PDS5B: variants seen among roughly 807,000 people sequenced by gnomAD.
PDS5B encodes PDS5 cohesin associated factor B, also known as sister chromatid cohesion protein PDS5 homolog B.
In PDS5B, 51 loss-of-function variants were observed where a neutral mutation model predicts 184.1. The ratio of observed to expected loss-of-function variants is 0.28; its 90% CI spans 0.22 to 0.35. The LOEUF (loss-of-function observed/expected upper bound fraction) is 0.35, where lower values mean the gene tolerates loss of function less well. Ranked by LOEUF, PDS5B falls within the 10% of genes least tolerant of loss-of-function variation. The pLI is 1.00. For missense variants in PDS5B, 1,180 were observed against 1,723.3 expected, an observed-to-expected ratio of 0.68 and a Z score of 5.58; for synonymous variants, 566 against 569.2, an observed-to-expected ratio of 0.99 and a Z score of 0.08.
chr13:32,645,674 G>C (rs9315173), intron 1 of PDS5B, among the ~76,000 whole-genome samples: 1 of 151,924 alleles, frequency 6.6e-6, no homozygotes, highest in Non-Finnish European at 1.5e-5. Context: ...TTTAAAAAAT[G>C]TAAATGTCTG....
At chr13:32,604,120 G>A (rs1311056983) in intron 1 of PDS5B, among the ~76,000 whole-genome samples, 4 of 152,198 alleles carry the variant, frequency 2.6e-5, no homozygotes, top group Admixed American at 1.3e-4. Flanking sequence ...ATGTTGAATA[G>A]GAGTGGTGAG....
intron 1 of PDS5B, among the ~76,000 whole-genome samples, chr13:32,590,638 T>C (rs1249124879): frequency 6.6e-6 from 1 of 152,116 alleles, no homozygotes; most frequent in Non-Finnish European, 1.5e-5. Flanking sequence ...TGAAAAGAAA[T>C]GAGATTTTGT....
chr13:32,603,505 A>G (rs1038515606), intron 1 of PDS5B, among the ~76,000 whole-genome samples: 3 of 152,158 alleles, frequency 2.0e-5, no homozygotes, highest in African/African-American at 4.8e-5. Context: ...GTAGCCTTGT[A>G]GTATAGTTTG....
At chr13:32,676,661 G>T (rs1951071408) in intron 9 of PDS5B, among the ~76,000 whole-genome samples, 1 of 152,160 alleles carries the variant, frequency 6.6e-6, no homozygotes, top group East Asian at 1.9e-4. Flanking sequence ...GCCGGGCGCG[G>T]TGGCTCATGC....
At chr13:32,755,236 A>G (rs555894753) in intron 25 of PDS5B, among the ~76,000 whole-genome samples, 11 of 152,324 alleles carry the variant, frequency 7.2e-5, no homozygotes, top group African/African-American at 2.6e-4. Flanking sequence ...TAGGATTACC[A>G]TTCTGACCTC....
chr13:32,623,226 G>T (rs952886263), intron 1 of PDS5B, among the ~76,000 whole-genome samples: 1 of 152,104 alleles, frequency 6.6e-6, no homozygotes, highest in Non-Finnish European at 1.5e-5. Flanking sequence ...CTAGTTTTAG[G>T]TTTCATAGTA....
At chr13:32,639,663 TTTAA>T (rs2058624139) in intron 1 of PDS5B, among the ~76,000 whole-genome samples, 1 of 152,308 alleles carries the variant, frequency 6.6e-6, no homozygotes, top group Admixed American at 6.5e-5. Flanking sequence ...TCTTACACTG[TTTAA>T]TTATTGTGTA....
intron 8 of PDS5B, among the ~76,000 whole-genome samples, chr13:32,675,021 A>G (rs902914112): frequency 1.3e-5 from 2 of 151,826 alleles, no homozygotes; most frequent in African/African-American, 2.4e-5. Flanking sequence ...TTAGACGAAT[A>G]AAGAAAGAAA....
At chr13:32,717,248 A>AG (rs1491152358) in intron 19 of PDS5B, among the ~76,000 whole-genome samples, 9 of 151,968 alleles carry the variant, frequency 5.9e-5, no homozygotes, top group African/African-American at 2.2e-4. Context: ...TGGAATAGAA[A>AG]GGGGGGAAAG....
intron 19 of PDS5B, among the ~76,000 whole-genome samples, chr13:32,713,109 G>C (rs1400676831): frequency 6.6e-6 from 1 of 152,156 alleles, no homozygotes; most frequent in African/African-American, 2.4e-5. Flanking sequence ...CCTTGTAAGA[G>C]TTTTAACAAA....
intron 2 of PDS5B, 47 bp downstream of exon 2, chr13:32,648,927 C>T: frequency 1.1e-6 from 1 of 880,746 alleles, no homozygotes; most frequent in Admixed American, 1.7e-5. Flanking sequence ...GGCAGAGGTC[C>T]CCTGTGGAAA....
rs542086843 is a variant in PDS5B, at chr13:32,643,937, T to C, written c.-19-4817T>C. ...CTGGAACGTCGATGAACTAGTAGTT[T>C]ATTTTTTGTAGATTCCTTTGGCATC... is the stretch of plus-strand genomic sequence containing the variant. On this transcript the variant is annotated intron_variant, in intron 1 of 34. Coordinates refer to ENST00000315596, the MANE Select transcript of PDS5B (RefSeq NM_015032.4). 2.4e-3 allele frequency among the ~76,000 whole-genome samples: 371 copies of C among 152,324 alleles called. 2 individuals carry two copies. Among genetic ancestry groups the C allele is most frequent in the African/African-American group, 8.1e-3 (336 of 41,588 alleles).
intron 1 of PDS5B, among the ~76,000 whole-genome samples, chr13:32,612,180 A>G (rs2140511915): frequency 6.6e-6 from 1 of 151,862 alleles, no homozygotes; most frequent in Admixed American, 6.6e-5. Flanking sequence ...TGGAATCTTT[A>G]CCTGTATTGG....
chr13:32,722,176 G>A (rs1004183230), intron 19 of PDS5B, among the ~76,000 whole-genome samples: 8 of 152,308 alleles, frequency 5.3e-5, no homozygotes, highest in Non-Finnish European at 7.3e-5. Context: ...CCAACACGGC[G>A]AAACCCCGTC....
chr13:32,662,263 T>C (rs1206691128), intron 6 of PDS5B, among the ~76,000 whole-genome samples: 1 of 152,120 alleles, frequency 6.6e-6, no homozygotes, highest in African/African-American at 2.4e-5. Flanking sequence ...GGAAGATATC[T>C]AAACTTGTGT....
At chr13:32,602,870 C>G (rs1468162114) in intron 1 of PDS5B, among the ~76,000 whole-genome samples, 1 of 152,166 alleles carries the variant, frequency 6.6e-6, no homozygotes, top group Non-Finnish European at 1.5e-5. Flanking sequence ...TTTCCTGTGT[C>G]TGTTGACTGC....
At chr13:32,626,276 G>T (rs2058369715) in intron 1 of PDS5B, among the ~76,000 whole-genome samples, 1 of 152,200 alleles carries the variant, frequency 6.6e-6, no homozygotes, top group South Asian at 2.1e-4. Flanking sequence ...TATGGAGGGA[G>T]ATAAGCCAGA....
intron 3 of PDS5B, among the ~76,000 whole-genome samples, chr13:32,652,888 G>C (rs1339725306): frequency 1.3e-5 from 2 of 152,174 alleles, no homozygotes; most frequent in Non-Finnish European, 2.9e-5. Context: ...AAGGGGAATA[G>C]CACGAGTAAT....
chr13:32,602,885 A>G (rs1490278315), intron 1 of PDS5B, among the ~76,000 whole-genome samples: 1 of 152,210 alleles, frequency 6.6e-6, no homozygotes, highest in African/African-American at 2.4e-5. Flanking sequence ...GACTGCATAA[A>G]TGTCTTCTTT....
Sources: allele counts gnomAD v4.1 joint callset (sites outside exome capture counted in the v4.1 genomes callset), GRCh38; gene constraint gnomAD v4.1.1; transcripts MANE v1.5; gene names NCBI Gene and HGNC (gene_info 2026-07-23, HGNC 2026-07-21).